The following CNTN5 variants were observed in gnomAD, a reference collection of about 807,000 sequenced individuals.
CNTN5 encodes contactin 5, also known as contactin-5.
In CNTN5, 77 loss-of-function variants were observed where a neutral mutation model predicts 129.1. The ratio of observed to expected loss-of-function variants is 0.60; its 90% CI spans 0.50 to 0.72. The LOEUF (loss-of-function observed/expected upper bound fraction) is 0.72, where lower values mean the gene tolerates loss of function less well. Ranked by LOEUF, CNTN5 falls within the 30% of genes least tolerant of loss-of-function variation. The pLI, the probability that CNTN5 is intolerant of heterozygous loss-of-function variation, is 0.00. For synonymous variants in CNTN5, 509 were observed against 465.6 expected, an observed-to-expected ratio of 1.09 and a Z score of -1.20; for missense variants, 1,478 against 1,328.8, an observed-to-expected ratio of 1.11 and a Z score of -1.75.
chr11:99,829,171 T>C (rs1947061073), intron 4 of CNTN5, among the ~76,000 whole-genome samples: 2 of 152,326 alleles, frequency 1.3e-5, no homozygotes, highest in South Asian at 4.1e-4. Context: ...AAATTTTTAG[T>C]GATCTGAAAT....
chr11:100,234,158 G>A (rs188753916), intron 16 of CNTN5, among the ~76,000 whole-genome samples: 3 of 152,144 alleles, frequency 2.0e-5, no homozygotes, highest in African/African-American at 7.2e-5. Flanking sequence ...ATGCTGGAGA[G>A]GATATGGAGA....
At chr11:99,050,003 G>C (rs1591106088) in intron 1 of CNTN5, among the ~76,000 whole-genome samples, 1 of 152,186 alleles carries the variant, frequency 6.6e-6, no homozygotes, top group South Asian at 2.1e-4. Context: ...TTGATGGTGA[G>C]AGTATTATGC....
chr11:100,271,605 T>C lies in CNTN5; in HGVS notation c.2314+364T>C, dbSNP rs560291532. ...GGTTCACCTTCTTTTTTTCCAGTGATACTTTACTTGAATTACAGTGTACTT... is the reference window on the plus strand; with the variant it reads ...GGTTCACCTTCTTTTTTTCCAGTGACACTTTACTTGAATTACAGTGTACTT... On this transcript the variant is annotated intron_variant, in intron 18 of 24. Coordinates refer to ENST00000524871, the MANE Select transcript of CNTN5 (RefSeq NM_014361.4). Among the ~76,000 whole-genome samples, 12 of 152,294 alleles carry C rather than the reference T, an allele frequency of 7.9e-5. No individual in the cohort carries two copies. The East Asian group carries it at 2.3e-3, about 29-fold the overall frequency.
At chr11:100,283,640 G>A (rs576329202) in intron 18 of CNTN5, among the ~76,000 whole-genome samples, 155 of 152,238 alleles carry the variant, frequency 1.0e-3, no homozygotes, top group African/African-American at 3.6e-3. Context: ...CCTCTGGCTA[G>A]GGATGGTTTA....
intron 1 of CNTN5, among the ~76,000 whole-genome samples, chr11:99,214,143 TC>T (rs1859987602): frequency 6.6e-6 from 1 of 151,950 alleles, no homozygotes; most frequent in Non-Finnish European, 1.5e-5. Context: ...AAGAAAGGCT[TC>T]CCAGGGGAAG....
intron 3 of CNTN5, among the ~76,000 whole-genome samples, chr11:99,567,817 G>A (rs1409096952): frequency 4.6e-5 from 7 of 152,170 alleles, no homozygotes; most frequent in Admixed American, 3.3e-4. Context: ...GGTATTAGAC[G>A]TGTAATTAAT....
At chr11:99,509,315 C>A (rs942076534) in intron 2 of CNTN5, among the ~76,000 whole-genome samples, 2 of 151,982 alleles carry the variant, frequency 1.3e-5, no homozygotes, top group African/African-American at 4.8e-5. Context: ...AGTCAGTTCA[C>A]CATCGTACAT....
At chr11:100,026,335 A>T (rs1165770724) in intron 9 of CNTN5, among the ~76,000 whole-genome samples, 1 of 152,014 alleles carries the variant, frequency 6.6e-6, no homozygotes. Context: ...AGTCAATTAA[A>T]CCACTTTCCT....
At chr11:99,652,476 A>G (rs1952194534) in intron 3 of CNTN5, among the ~76,000 whole-genome samples, 2 of 152,200 alleles carry the variant, frequency 1.3e-5, no homozygotes, top group East Asian at 3.9e-4. Flanking sequence ...GGAACGCTTT[A>G]TAAGAGCTGT....
intron 2 of CNTN5, among the ~76,000 whole-genome samples, chr11:99,488,910 G>T (rs1591150281): frequency 1.4e-5 from 2 of 147,982 alleles, no homozygotes; most frequent in African/African-American, 4.9e-5. Flanking sequence ...TAGAAGTCTT[G>T]TTTTAGCATG....
intron 13 of CNTN5, among the ~76,000 whole-genome samples, chr11:100,143,589 A>C (rs916396080): frequency 6.6e-6 from 1 of 152,150 alleles, no homozygotes; most frequent in Non-Finnish European, 1.5e-5. Context: ...TCCGGGAAAA[A>C]AGGAAGGAGA....
At chr11:99,392,333 G>C (rs1266264004) in intron 2 of CNTN5, among the ~76,000 whole-genome samples, 1 of 151,738 alleles carries the variant, frequency 6.6e-6, no homozygotes. Flanking sequence ...AGCAAAAATA[G>C]GAGGGAGAAA....
intron 6 of CNTN5, among the ~76,000 whole-genome samples, chr11:99,852,403 G>A (rs1053132280): frequency 6.6e-6 from 1 of 152,090 alleles, no homozygotes; most frequent in Non-Finnish European, 1.5e-5. Flanking sequence ...TCTTGAGCTC[G>A]TGGTTTCAAG....
intron 3 of CNTN5, among the ~76,000 whole-genome samples, chr11:99,769,087 T>C (rs1189886972): frequency 1.3e-5 from 2 of 152,188 alleles, no homozygotes; most frequent in Admixed American, 1.3e-4. Flanking sequence ...TGGATTTTTA[T>C]GTATTCAATG....
intron 13 of CNTN5, among the ~76,000 whole-genome samples, chr11:100,079,908 A>G (rs1482644591): frequency 6.6e-6 from 1 of 152,156 alleles, no homozygotes; most frequent in Non-Finnish European, 1.5e-5. Flanking sequence ...TTGGCCATTA[A>G]CTTTTGTTAA....
At chr11:99,128,948 A>G (rs1858789605) in intron 1 of CNTN5, among the ~76,000 whole-genome samples, 1 of 152,166 alleles carries the variant, frequency 6.6e-6, no homozygotes, top group Non-Finnish European at 1.5e-5. Context: ...TACAAACCCT[A>G]TCCGAAGATT....
At chr11:99,085,451 A>T (rs1865969456) in intron 1 of CNTN5, among the ~76,000 whole-genome samples, 1 of 152,158 alleles carries the variant, frequency 6.6e-6, no homozygotes, top group African/African-American at 2.4e-5. Context: ...TTTTGGAATT[A>T]TCATAATAAA....
At chr11:99,076,593 G>C (rs985678175) in intron 1 of CNTN5, among the ~76,000 whole-genome samples, 1 of 151,952 alleles carries the variant, frequency 6.6e-6, no homozygotes, top group African/African-American at 2.4e-5. Flanking sequence ...AAGCACTGAA[G>C]CTTTTTAAAA....
At chr11:99,819,902 G>C (rs1353618272) in intron 4 of CNTN5, 137 bp downstream of exon 4, 2 of 666,404 alleles carry the variant, frequency 3.0e-6, no homozygotes. Context: ...ATGAAAGCAG[G>C]AGAGTTTTTA....
Sources: allele counts gnomAD v4.1 joint callset (sites outside exome capture counted in the v4.1 genomes callset), GRCh38; gene constraint gnomAD v4.1.1; transcripts MANE v1.5; gene names NCBI Gene and HGNC (gene_info 2026-07-23, HGNC 2026-07-21).